CENPQ: variants seen among roughly 807,000 people sequenced by gnomAD.
The protein encoded by CENPQ is chromosome 6 open reading frame 139.
In CENPQ, 27 loss-of-function variants were observed where a neutral mutation model predicts 36.6. The ratio of observed to expected loss-of-function variants is 0.74; its 90% CI spans 0.54 to 1.02. CENPQ has a LOEUF of 1.02. Ranked by LOEUF, CENPQ falls within the 50% of genes least tolerant of loss-of-function variation. CENPQ has a pLI of 0.00. For missense variants in CENPQ, 306 were observed against 301.8 expected, an observed-to-expected ratio of 1.01 and a Z score of -0.10; for synonymous variants, 101 against 101.7, an observed-to-expected ratio of 0.99 and a Z score of 0.04.
chr6:49,487,930 G>A (rs1025273290), intron 6 of CENPQ, among the ~76,000 whole-genome samples: 4 of 151,934 alleles, frequency 2.6e-5, no homozygotes, highest in Non-Finnish European at 4.4e-5. Flanking sequence ...TAAAATAGCA[G>A]GCTCTTAAAT....
intron 5 of CENPQ, among the ~76,000 whole-genome samples, chr6:49,479,798 G>C (rs960590381): frequency 3.3e-5 from 5 of 152,152 alleles, no homozygotes; most frequent in Non-Finnish European, 7.4e-5. Context: ...AGCCATAAAA[G>C]AATGAGATCA....
At chr6:49,466,352 T>C (rs1051760260) in intron 1 of CENPQ, among the ~76,000 whole-genome samples, 4 of 152,138 alleles carry the variant, frequency 2.6e-5, no homozygotes, top group Non-Finnish European at 5.9e-5. Context: ...GTTGGAAAAA[T>C]GGCATCAATA....
intron 5 of CENPQ, among the ~76,000 whole-genome samples, chr6:49,478,239 A>G (rs113484081): frequency 1.3e-5 from 2 of 152,294 alleles, no homozygotes; most frequent in East Asian, 3.9e-4. Context: ...TATTTGAAAC[A>G]CTTGTTCTTA....
intron 8 of CENPQ, among the ~76,000 whole-genome samples, chr6:49,491,415 G>C (rs1768719864): frequency 6.6e-6 from 1 of 151,992 alleles, no homozygotes; most frequent in South Asian, 2.1e-4. Context: ...TTACTGATTT[G>C]TATAGTCATA....
At chr6:49,468,605 A>T (rs1036929032) in intron 1 of CENPQ, among the ~76,000 whole-genome samples, 4 of 152,000 alleles carry the variant, frequency 2.6e-5, no homozygotes, top group African/African-American at 9.7e-5. Flanking sequence ...AAAAAAAAGC[A>T]AGTGTTTCTA....
intron 1 of CENPQ, among the ~76,000 whole-genome samples, chr6:49,467,145 T>C (rs762630600): frequency 6.6e-6 from 1 of 152,220 alleles, no homozygotes; most frequent in Non-Finnish European, 1.5e-5. Context: ...TTGAGAAACT[T>C]TGTGCTATAG....
chr6:49,477,522 A>C (rs1768325192), intron 5 of CENPQ, among the ~76,000 whole-genome samples: 1 of 151,998 alleles, frequency 6.6e-6, no homozygotes, highest in African/African-American at 2.4e-5. Flanking sequence ...ATATGTAACA[A>C]ACCTGCACAG....
At chr6:49,490,857 G>T (rs775343715) in intron 8 of CENPQ, among the ~76,000 whole-genome samples, 32 of 152,166 alleles carry the variant, frequency 2.1e-4, no homozygotes, top group Non-Finnish European at 3.8e-4. Flanking sequence ...TACCAATTCA[G>T]TTCACTGTTT....
intron 8 of CENPQ, among the ~76,000 whole-genome samples, chr6:49,491,299 A>G (rs958272416): frequency 1.3e-5 from 2 of 152,242 alleles, no homozygotes; most frequent in African/African-American, 4.8e-5. Context: ...GTTGATAGCT[A>G]TGTAACATTC....
chr6:49,486,882 C>T (rs923364323), intron 6 of CENPQ, among the ~76,000 whole-genome samples: 1 of 151,764 alleles, frequency 6.6e-6, no homozygotes, highest in African/African-American at 2.4e-5. Flanking sequence ...CGTGGTGGCT[C>T]ACGCCTGTAA....
intron 6 of CENPQ, 24 bp from the exon 7 acceptor site, chr6:49,488,328 G>A: frequency 1.3e-6 from 2 of 1,543,422 alleles, no homozygotes. Flanking sequence ...AAGTTAAAAT[G>A]TTTTTTTTCT....
chr6:49,492,131 A>G lies in CENPQ; in HGVS notation c.676-13A>G, dbSNP rs1260656553. ...AATGTTAACAACTACATTTAATACT[A>G]TCTTTCCCACAGAAAGAAATTTTGG... is the stretch of plus-strand genomic sequence containing the variant. On this transcript the variant is annotated splice_polypyrimidine_tract_variant and intron_variant, in intron 8 of 8. Transcript: ENST00000335783. The G allele has an allele frequency of 3.1e-6, 5 of 1,587,704 alleles. No homozygotes were observed. In the African/African-American group the frequency reaches 4.1e-5, roughly 13 times the overall value.
intron 1 of CENPQ, among the ~76,000 whole-genome samples, chr6:49,466,779 CT>C (rs977804736): frequency 6.6e-6 from 1 of 152,082 alleles, no homozygotes; most frequent in Non-Finnish European, 1.5e-5. Context: ...TTACAAAAGC[CT>C]TTAATGTTAG....
intron 8 of CENPQ, among the ~76,000 whole-genome samples, chr6:49,489,780 C>A (rs1768674268): frequency 1.3e-5 from 2 of 152,170 alleles, no homozygotes; most frequent in Non-Finnish European, 2.9e-5. Context: ...ATATCTTCAT[C>A]AGAGCTCTTG....
At chr6:49,488,316 T>G in intron 6 of CENPQ, 36 bp from the exon 7 acceptor site, 1 of 1,500,918 alleles carries the variant, frequency 6.7e-7, no homozygotes, top group Middle Eastern at 2.2e-4. Context: ...AATAATGTGT[T>G]TAAGTTAAAA....
At chr6:49,478,572 C>T (rs544045366) in intron 5 of CENPQ, among the ~76,000 whole-genome samples, 9 of 152,240 alleles carry the variant, frequency 5.9e-5, no homozygotes, top group Non-Finnish European at 1.0e-4. Context: ...CTGTGTATAT[C>T]ATTTTAGCCT....
chr6:49,481,128 G>A (rs1251538980), intron 6 of CENPQ, 48 bp downstream of exon 6: 2 of 1,473,162 alleles, frequency 1.4e-6, no homozygotes, highest in East Asian at 2.4e-5. Flanking sequence ...TAGGGAAAGG[G>A]AAGAAGACCA....
At chr6:49,479,607 C>T (rs754388413) in intron 5 of CENPQ, among the ~76,000 whole-genome samples, 2 of 152,166 alleles carry the variant, frequency 1.3e-5, no homozygotes, top group Non-Finnish European at 2.9e-5. Context: ...TACCATCCAA[C>T]CCAGCAATCC....
intron 5 of CENPQ, among the ~76,000 whole-genome samples, chr6:49,474,077 T>G (rs1374584534): frequency 1.3e-5 from 2 of 152,158 alleles, no homozygotes; most frequent in African/African-American, 4.8e-5. Context: ...TGGGAGACTT[T>G]AACACCCCAC....
Sources: allele counts gnomAD v4.1 joint callset (sites outside exome capture counted in the v4.1 genomes callset), GRCh38; gene constraint gnomAD v4.1.1; transcripts MANE v1.5; gene names NCBI Gene and HGNC (gene_info 2026-07-23, HGNC 2026-07-21).